Variants in MAGI2 observed in about 807,000 individuals in gnomAD.
MAGI2 encodes the protein membrane-associated guanylate kinase, WW and PDZ domain-containing protein 2.
MAGI2 carries 35 observed loss-of-function variants against 133.3 expected under a neutral mutation model. The ratio of observed to expected loss-of-function variants is 0.26; its 90% CI spans 0.20 to 0.35. The LOEUF (loss-of-function observed/expected upper bound fraction) is 0.35. MAGI2 is among the 10% of genes least tolerant of loss of function. MAGI2 has a pLI of 1.00. For missense variants in MAGI2, 1,636 were observed against 1,863.4 expected (o/e 0.88, Z 2.25); for synonymous variants, 729 against 710.6 (o/e 1.03, Z -0.41).
chr7:79,437,124 T>A (rs550070034), intron 1 of MAGI2, among the ~76,000 whole-genome samples: 29 of 152,048 alleles, frequency 1.9e-4, no homozygotes, highest in Admixed American at 5.2e-4. Flanking sequence ...TATTATCACT[T>A]ATAAGTGGAA....
chr7:78,020,815 A>C (rs1377875333), intron 21 of MAGI2, among the ~76,000 whole-genome samples: 2 of 134,520 alleles, frequency 1.5e-5, no homozygotes, highest in Non-Finnish European at 3.1e-5. Context: ...TAAAACTATC[A>C]TTTTTTAAAA....
At chr7:78,345,742 T>G (rs1790838935) in intron 8 of MAGI2, among the ~76,000 whole-genome samples, 180 bp downstream of exon 8, 1 of 152,244 alleles carries the variant, frequency 6.6e-6, no homozygotes, top group Admixed American at 6.5e-5. Context: ...TAACTTCATC[T>G]GCGGTTGCTA....
chr7:78,614,077 T>C (rs1016695653), intron 3 of MAGI2, among the ~76,000 whole-genome samples: 1 of 150,952 alleles, frequency 6.6e-6, no homozygotes, highest in African/African-American at 2.4e-5. Flanking sequence ...GCCACTGGAC[T>C]CCAGCCTGGG....
At chr7:78,057,543 G>C (rs910038406) in intron 21 of MAGI2, among the ~76,000 whole-genome samples, 3 of 152,270 alleles carry the variant, frequency 2.0e-5, no homozygotes, top group African/African-American at 7.2e-5. Flanking sequence ...GCCATCCACT[G>C]GTGTGAGGTG....
intron 3 of MAGI2, among the ~76,000 whole-genome samples, chr7:78,527,383 T>C (rs1421050759): frequency 1.3e-5 from 2 of 152,230 alleles, no homozygotes; most frequent in East Asian, 3.8e-4. Context: ...AGTTGTATTT[T>C]AAGTTTCTAA....
intron 2 of MAGI2, among the ~76,000 whole-genome samples, chr7:78,705,219 C>T (rs1465290897): frequency 1.3e-5 from 2 of 152,002 alleles, no homozygotes; most frequent in Non-Finnish European, 2.9e-5. Flanking sequence ...TCCCCCATTG[C>T]TGTTCTCATG....
At chr7:78,274,703 C>T (rs1794894624) in intron 9 of MAGI2, among the ~76,000 whole-genome samples, 2 of 152,126 alleles carry the variant, frequency 1.3e-5, no homozygotes, top group South Asian at 4.1e-4. Context: ...GTGGGCTCCC[C>T]TCAGTTCGTA....
At chr7:79,113,597 A>G (rs538520199) in intron 1 of MAGI2, among the ~76,000 whole-genome samples, 37 of 152,314 alleles carry the variant, frequency 2.4e-4, no homozygotes, top group African/African-American at 8.7e-4. Flanking sequence ...TTATTTAGTG[A>G]TCTGTGAACT....
At chr7:78,722,186 T>A (rs1820334355) in intron 2 of MAGI2, among the ~76,000 whole-genome samples, 3 of 151,664 alleles carry the variant, frequency 2.0e-5, no homozygotes, top group African/African-American at 7.3e-5. Flanking sequence ...ATGTATTGTT[T>A]AATCTAGGAA....
At chr7:79,113,907 A>G (rs771085088) in intron 1 of MAGI2, among the ~76,000 whole-genome samples, 3 of 152,064 alleles carry the variant, frequency 2.0e-5, no homozygotes, top group Non-Finnish European at 4.4e-5. Flanking sequence ...CTTGAATTAT[A>G]TTACCTTTCA....
intron 1 of MAGI2, among the ~76,000 whole-genome samples, chr7:79,334,146 C>A (rs1470156521): frequency 2.0e-5 from 3 of 152,040 alleles, no homozygotes; most frequent in Non-Finnish European, 4.4e-5. Context: ...GTTAGGAGAC[C>A]AGATTCACAT....
chr7:78,036,816 G>A (rs1003315143), intron 21 of MAGI2, among the ~76,000 whole-genome samples: 3 of 152,082 alleles, frequency 2.0e-5, no homozygotes, highest in African/African-American at 7.2e-5. Flanking sequence ...GTTTCTCCAT[G>A]TTGCCCAGGC....
intron 1 of MAGI2, among the ~76,000 whole-genome samples, chr7:79,014,993 CTCATACTTTGGTATGCTTGAAATATCT>C: frequency 6.6e-6 from 1 of 152,238 alleles, no homozygotes; most frequent in Admixed American, 6.5e-5. Flanking sequence ...AAAGAAAATG[CTCATACTTTGGTATGCTTGAAATATCT>C]TCATTCATAA....
At chr7:78,228,930 A>G (rs1403938966) in intron 10 of MAGI2, among the ~76,000 whole-genome samples, 2 of 152,256 alleles carry the variant, frequency 1.3e-5, no homozygotes, top group African/African-American at 4.8e-5. Flanking sequence ...AACTTCATTT[A>G]CCTAATACAC....
In MAGI2 at chr7:78,448,635, CTCTTG is replaced by C. The variant is rs775216411; in HGVS notation, c.1045+41121_1045+41125del. Among the ~76,000 whole-genome samples the C allele has an allele frequency of 5.7e-4, 86 of 152,152 alleles. 1 individual carries two copies. Among genetic ancestry groups the C allele is most frequent in the Middle Eastern group, 3.4e-3 (1 of 294 alleles). On this transcript the variant is annotated intron_variant, in intron 6 of 21. Coordinates refer to ENST00000354212, the MANE Select transcript of MAGI2 (RefSeq NM_012301.4). ...ACACAAGGTGCCATTTCAAAAAATT[CTCTTG>C]TCTTAAGACAGAATTTGGGTCCTCA...
At chr7:78,866,015 A>C (rs1794526159) in intron 2 of MAGI2, among the ~76,000 whole-genome samples, 2 of 152,178 alleles carry the variant, frequency 1.3e-5, no homozygotes, top group South Asian at 4.1e-4. Flanking sequence ...TAGAAGAGAG[A>C]GAGTACAATC....
chr7:79,309,740 G>GA (rs200594382), intron 1 of MAGI2, among the ~76,000 whole-genome samples: 2 of 151,594 alleles, frequency 1.3e-5, no homozygotes, highest in East Asian at 1.9e-4. Context: ...CTAATATCTA[G>GA]AAAAAAATCC....
chr7:78,854,800 C>T (rs1053200822), intron 2 of MAGI2, among the ~76,000 whole-genome samples: 11 of 151,976 alleles, frequency 7.2e-5, no homozygotes, highest in African/African-American at 2.7e-4. Flanking sequence ...TATTTCGATT[C>T]AGTAAAACAT....
At chr7:79,193,723 T>C (rs1241622708) in intron 1 of MAGI2, among the ~76,000 whole-genome samples, 1 of 151,924 alleles carries the variant, frequency 6.6e-6, no homozygotes, top group Non-Finnish European at 1.5e-5. Flanking sequence ...TTAATAGTAC[T>C]TTCTCCCCCC....
Sources: allele counts gnomAD v4.1 joint callset (sites outside exome capture counted in the v4.1 genomes callset), GRCh38; gene constraint gnomAD v4.1.1; transcripts MANE v1.5; gene names NCBI Gene and HGNC (gene_info 2026-07-23, HGNC 2026-07-21).